Variants in MCF2L observed in about 807,000 individuals in gnomAD.
MCF2L encodes guanine nucleotide exchange factor DBS.
Under a neutral mutation model 153.4 loss-of-function variants are expected in MCF2L, and 97 were observed. That is an observed-to-expected ratio of 0.63 (90% CI 0.54 to 0.75). MCF2L has a LOEUF of 0.75. Ranked by LOEUF, MCF2L falls within the 30% of genes least tolerant of loss-of-function variation. The pLI, the probability that MCF2L is intolerant of heterozygous loss-of-function variation, is 0.00. For synonymous variants in MCF2L, 659 were observed against 632.2 expected (o/e 1.04, Z -0.64); for missense variants, 1,347 against 1,495.2 (o/e 0.90, Z 1.64).
intron 15 of MCF2L, among the ~76,000 whole-genome samples, chr13:113,079,354 C>T (rs373612100): frequency 3.9e-5 from 6 of 152,050 alleles, no homozygotes; most frequent in African/African-American, 7.2e-5. Context: ...ATGAGGCACA[C>T]GCGGCTCCCT....
At chr13:112,961,073 C>T (rs986273596) in intron 2 of MCF2L, among the ~76,000 whole-genome samples, 1 of 151,410 alleles carries the variant, frequency 6.6e-6, no homozygotes, top group Non-Finnish European at 1.5e-5. Flanking sequence ...GCATTCCTAC[C>T]AAGGGGAGTC....
intron 16 of MCF2L, among the ~76,000 whole-genome samples, 172 bp downstream of exon 16, chr13:113,081,451 C>A (rs2034129233): frequency 1.3e-5 from 2 of 152,236 alleles, no homozygotes; most frequent in Non-Finnish European, 2.9e-5. Context: ...GGGGGCCTAT[C>A]AACAAGACAC....
chr13:112,970,106 G>A (rs772547873), intron 1 of MCF2L, among the ~76,000 whole-genome samples: 2 of 152,132 alleles, frequency 1.3e-5, no homozygotes, highest in African/African-American at 4.8e-5. Context: ...TCAGGCGGTC[G>A]CATCTGAGTT....
chr13:113,075,801 T>C lies in MCF2L; in HGVS notation c.1309-165T>C, dbSNP rs551056514. On this transcript the variant is annotated intron_variant, in intron 11 of 29. Transcript: ENST00000535094. ...CTGTGTCCCCTTGGGATTGGCCTTG[T>C]CCAGCACTGTGTCCCCTTGGGGTGC... is the stretch of plus-strand genomic sequence containing the variant. Among the ~76,000 whole-genome samples, 4 of 106,128 alleles carry C rather than the reference T, an allele frequency of 3.8e-5. No individual in the cohort carries two copies. The East Asian group carries it at 9.0e-4, about 24-fold the overall frequency. The allele number at this position is 106,128 out of a possible 152,430, so 69.6% of individuals were successfully genotyped here.
At chr13:113,017,468 C>A (rs1380504957) in intron 2 of MCF2L, among the ~76,000 whole-genome samples, 1 of 152,224 alleles carries the variant, frequency 6.6e-6, no homozygotes, top group Non-Finnish European at 1.5e-5. Flanking sequence ...ACCGTATAAT[C>A]CATTATGGTC....
In MCF2L at chr13:113,026,078, G is replaced by A. The variant is rs3011515; in HGVS notation, c.278+1320G>A. On this transcript the variant is annotated intron_variant, in intron 3 of 29. Transcript: ENST00000535094. ...GAGATTTCCCCATCATGCGGTCCCC[G>A]TGACTGTGGGTCGGGGCAGAGTCTC... 5.7e-5 allele frequency among the ~76,000 whole-genome samples: 3 copies of A among 52,848 alleles called. 1 individual carries two copies. The highest frequency in any genetic ancestry group is 3.9e-4 in the Admixed American group (2 of 5,160). The allele number at this position is 52,848 out of a possible 152,430, so 34.7% of individuals were successfully genotyped here. A position where few individuals can be genotyped will look rare whatever the true frequency, so the allele number is the denominator to read the frequency against.
At position 112,983,516 on chromosome 13, in the gene MCF2L, G is replaced by A. The variant is rs899109193; in HGVS notation, c.79+14058G>A. ...ATGCGGCACCCGACGTCTGAGGCCC[G>A]CCACGCTGCAGGTTCCCATCTCCAA... On this transcript the variant is annotated intron_variant, in intron 1 of 29. Coordinates refer to ENST00000535094, the MANE Select transcript of MCF2L (RefSeq NM_001112732.3). The surrounding 1 kb of genome is among the most constrained non-coding windows in gnomAD (Gnocchi z 4.0). Among the ~76,000 whole-genome samples, 6 of 152,198 alleles carry A rather than the reference G, an allele frequency of 3.9e-5. No individual in the cohort carries two copies. The highest frequency in any genetic ancestry group is 2.1e-4 in the South Asian group (1 of 4,832).
Position 113,064,603 on chromosome 13 carries a change from T to C in MCF2L, c.606+183T>C, listed in dbSNP as rs538913094. ...CATTGTAAAGAAGTAACGTGAGTCA[T>C]AAGTTTGGGAGTGGCTTTCTCTGGG... On this transcript the variant is annotated intron_variant, in intron 6 of 29. Coordinates refer to ENST00000535094, the MANE Select transcript of MCF2L (RefSeq NM_001112732.3). The surrounding 1 kb of genome is among the most constrained non-coding windows in gnomAD (Gnocchi z 6.0). 1.8e-6 allele frequency: 1 copy of C among 564,992 alleles called. No individual in the cohort carries two copies. Among genetic ancestry groups the C allele is most frequent in the Non-Finnish European group, 3.1e-6 (1 of 318,828 alleles). The allele number at this position is 564,992 out of a possible 1,614,324, so 35.0% of individuals were successfully genotyped here.
At chr13:112,982,346 A>G (rs1159730081) in intron 1 of MCF2L, among the ~76,000 whole-genome samples, 1 of 152,168 alleles carries the variant, frequency 6.6e-6, no homozygotes, top group Non-Finnish European at 1.5e-5. Flanking sequence ...AGAGGACTGG[A>G]CGCTGGGCCA....
intron 7 of MCF2L, 129 bp downstream of exon 7, chr13:113,065,214 C>A (rs1036364606): frequency 1.8e-6 from 2 of 1,133,444 alleles, no homozygotes; most frequent in Non-Finnish European, 2.6e-6. Flanking sequence ...GCACGTAAGA[C>A]CAAGAAGTCA....
intron 1 of MCF2L, among the ~76,000 whole-genome samples, chr13:112,970,742 G>A (rs2082013222): frequency 6.6e-6 from 1 of 152,120 alleles, no homozygotes; most frequent in Admixed American, 6.6e-5. Context: ...CAGGTTTTTA[G>A]GGATTGGGGT....
chr13:113,096,590 C>G lies in MCF2L; in HGVS notation c.3229C>G (p.Pro1077Ala), dbSNP rs2035681074. ...GACCACTGGCAAGGAGGGCTGGGTG[C>G]CGGCCAGCAGCCTGTCCGTCCGGCT... is the stretch of plus-strand genomic sequence containing the variant. ...DPTTGKEGWVPASSLSVRLGP... is the reference protein window; with the variant it reads ...DPTTGKEGWVAASSLSVRLGP... The change falls in exon 29 of 30, where the codon CCG becomes GCG. Residue 1077 changes from proline to alanine, a missense_variant. Physicochemically the swap from Pro to Ala is conservative, Grantham distance 27. Transcript: ENST00000535094. 1 of 1,603,162 alleles carries G rather than the reference C, an allele frequency of 6.2e-7. No individual in the cohort carries two copies. The highest frequency in any genetic ancestry group is 2.2e-5 in the East Asian group (1 of 44,764).
At position 112,969,309 on chromosome 13, in the gene MCF2L, C is replaced by A. The variant is rs917081901; in HGVS notation, c.-71C>A. The A allele has an allele frequency of 5.2e-6, 8 of 1,536,226 alleles. No individual in the cohort carries two copies. The Admixed American group carries it at 7.9e-5, about 15-fold the overall frequency. On this transcript the variant is annotated 5_prime_UTR_variant, in exon 1 of 30. Coordinates refer to ENST00000535094, the MANE Select transcript of MCF2L (RefSeq NM_001112732.3). This position sits in a 1 kb window ranked among gnomAD's most constrained non-coding sequence, Gnocchi z 4.8. ...CCGCCGCGCCCCCTCCGCACTCGCA[C>A]GGCCCCACCCGCAGGCGCCCCCCGT...
intron 25 of MCF2L, among the ~76,000 whole-genome samples, chr13:113,089,086 C>G (rs949965843): frequency 2.0e-5 from 3 of 151,994 alleles, no homozygotes; most frequent in Non-Finnish European, 4.4e-5. Context: ...CTTATATAAG[C>G]TACCTTTAAT....
At chr13:113,091,283 T>A in intron 26 of MCF2L, 1 of 1,159,148 alleles carries the variant, frequency 8.6e-7, no homozygotes, top group African/African-American at 1.6e-5. Flanking sequence ...CAAGGCCACC[T>A]AAGGGGGATG....
chr13:112,985,319 T>C, intron 1 of MCF2L: 1 of 452,470 alleles, frequency 2.2e-6, no homozygotes, highest in South Asian at 1.6e-5. Context: ...AAGGTCCTGT[T>C]ACAAGGAGAG....
At chr13:113,016,339 C>T (rs1023489854) in intron 2 of MCF2L, among the ~76,000 whole-genome samples, 1 of 152,168 alleles carries the variant, frequency 6.6e-6, no homozygotes, top group African/African-American at 2.4e-5. Context: ...GGCCGCCTGA[C>T]CAGGACAAGA....
chr13:112,914,968 T>C (rs552909470), intron 2 of MCF2L, among the ~76,000 whole-genome samples: 1 of 152,266 alleles, frequency 6.6e-6, no homozygotes, highest in Admixed American at 6.5e-5. Flanking sequence ...CTTCCTATTC[T>C]GAGGTTATAC....
At position 113,027,854 on chromosome 13, in the gene MCF2L, C is replaced by T. The variant is rs896204735; in HGVS notation, c.278+3096C>T. On this transcript the variant is annotated intron_variant, in intron 3 of 29. Coordinates refer to ENST00000535094, the MANE Select transcript of MCF2L (RefSeq NM_001112732.3). The surrounding 1 kb of genome is among the most constrained non-coding windows in gnomAD (Gnocchi z 4.8). ...AGGCTCAGACCACATGGCCGTACCC[C>T]GAGGACGTAGGCTCCAGGTGTGCTG... Among the ~76,000 whole-genome samples the T allele has an allele frequency of 6.6e-6, 1 of 152,204 alleles. No individual in the cohort carries two copies. The highest frequency in any genetic ancestry group is 1.5e-5 in the Non-Finnish European group (1 of 68,028).
Sources: gnomAD v4.1 joint callset for allele counts (sites outside exome capture counted in the v4.1 genomes callset) on GRCh38, gnomAD v4.1.1 for gene constraint, Gnocchi (gnomAD v3.1) non-coding constraint, MANE v1.5 for transcripts, NCBI Gene and HGNC (gene_info 2026-07-23, HGNC 2026-07-21) for gene names.